Variants in RNF125 observed in about 807,000 individuals in gnomAD.
RNF125 encodes the protein E3 ubiquitin-protein ligase RNF125.
RNF125 carries 21 observed loss-of-function variants against 26.0 expected under a neutral mutation model. The observed-to-expected ratio is 0.81, with a 90% confidence interval of 0.57 to 1.16. RNF125 has a LOEUF of 1.16. Among genes scored for constraint, RNF125 ranks in the 50% most tolerant of loss-of-function variants. The probability of loss-of-function intolerance (pLI) is 0.00; values close to 1 mark genes in which losing one functional copy is unlikely to be tolerated. For missense variants in RNF125, 270 were observed against 299.4 expected (o/e 0.90, Z 0.72); for synonymous variants, 95 against 109.2 (o/e 0.87, Z 0.81).
chr18:32,080,758 G>A, the RNF125 span, among the ~76,000 whole-genome samples: 3 of 152,164 alleles, frequency 2.0e-5, no homozygotes, highest in Non-Finnish European at 4.4e-5. Context: ...GCGTGATGGC[G>A]GACGCCTGTA....
intron 4 of RNF125, among the ~76,000 whole-genome samples, chr18:32,057,428 G>A (rs2039396380): frequency 6.6e-6 from 1 of 151,372 alleles, no homozygotes; most frequent in South Asian, 2.1e-4. Context: ...TCTGCCTCCC[G>A]GGTTTAAGCG....
chr18:32,027,878 G>A (rs921176090), intron 1 of RNF125, among the ~76,000 whole-genome samples: 3 of 152,072 alleles, frequency 2.0e-5, no homozygotes, highest in Non-Finnish European at 4.4e-5. Flanking sequence ...TTTTATACTT[G>A]AGGTTACAGA....
In RNF125 at chr18:32,018,848, G is replaced by C. The variant is rs1334949684; in HGVS notation, c.-16G>C. ...GCACTGAGTGCTTCGCAGCTGTCTG[G>C]GCGAGAGGCACAGCGATGGGCTCCG... On this transcript the variant is annotated 5_prime_UTR_variant, in exon 1 of 6. Coordinates refer to ENST00000217740, the MANE Select transcript of RNF125 (RefSeq NM_017831.4). 2.6e-6 allele frequency: 4 copies of C among 1,552,832 alleles called. No homozygotes were observed. Among genetic ancestry groups the C allele is most frequent in the South Asian group, 1.2e-5 (1 of 85,000 alleles).
intron 1 of RNF125, among the ~76,000 whole-genome samples, chr18:32,020,522 C>A (rs1018462551): frequency 1.3e-5 from 2 of 151,516 alleles, no homozygotes. Flanking sequence ...GAAAGAAATA[C>A]CGTTATTATG....
In RNF125 at chr18:32,037,136, C is replaced by T; in HGVS notation, c.185C>T (p.Ala62Val). The T allele has an allele frequency of 1.2e-6, 2 of 1,604,452 alleles. No individual in the cohort carries two copies. The highest frequency in any genetic ancestry group is 1.7e-4 in the Middle Eastern group (1 of 6,034). The change falls in exon 2 of 6, where the codon GCT becomes GTT. Residue 62 changes from alanine to valine, a missense_variant. Physicochemically the swap from Ala to Val is moderately conservative, Grantham distance 64. Transcript: ENST00000217740. ...GGTAGATTCTGCCGTTCCTGTATTG[C>T]TACCAGTCTAAAGAACAACAAGTGG... is the stretch of plus-strand genomic sequence containing the variant. ...CGHVFCRSCI[A>V]TSLKNNKWTC...
At chr18:32,033,709 C>T (rs1044632838) in intron 1 of RNF125, among the ~76,000 whole-genome samples, 1 of 151,884 alleles carries the variant, frequency 6.6e-6, no homozygotes, top group Non-Finnish European at 1.5e-5. Flanking sequence ...ATCCCAGCTA[C>T]TCAAGAGGCT....
intron 1 of RNF125, among the ~76,000 whole-genome samples, chr18:32,021,682 C>T (rs895678192): frequency 3.9e-5 from 6 of 151,952 alleles, no homozygotes; most frequent in Admixed American, 2.0e-4. Context: ...TGGAACAGAC[C>T]GCTTTGCTAT....
At chr18:32,048,599 A>C (rs2039295720) in intron 4 of RNF125, among the ~76,000 whole-genome samples, 2 of 152,142 alleles carry the variant, frequency 1.3e-5, no homozygotes, top group Admixed American at 1.3e-4. Flanking sequence ...AGTAACAAAG[A>C]CAGAATTTGA....
At chr18:32,054,931 T>C (rs2039365685) in intron 4 of RNF125, among the ~76,000 whole-genome samples, 1 of 152,202 alleles carries the variant, frequency 6.6e-6, no homozygotes, top group Non-Finnish European at 1.5e-5. Context: ...AGTATATATT[T>C]TATTCCTACT....
At position 32,072,030 on chromosome 18, in the gene RNF125, C is replaced by G. The variant is rs894671587; in HGVS notation, c.*3646C>G. 3.3e-5 allele frequency: 5 copies of G among 151,882 alleles called. No individual in the cohort carries two copies. Among genetic ancestry groups the G allele is most frequent in the Admixed American group, 6.6e-5 (1 of 15,196 alleles). 9.4% of individuals were successfully genotyped at this position (151,882 alleles called of 1,614,324 possible). ...GAGACTCTTTCTATTTAAACAAAAACAAAAACAAACAAACAAACAAACAAA... is the reference window on the plus strand; with the variant it reads ...GAGACTCTTTCTATTTAAACAAAAAGAAAAACAAACAAACAAACAAACAAA... On this transcript the variant is annotated 3_prime_UTR_variant, in exon 6 of 6. Coordinates refer to ENST00000217740, the MANE Select transcript of RNF125 (RefSeq NM_017831.4).
chr18:32,067,808 T>C (rs2039498258), intron 5 of RNF125, among the ~76,000 whole-genome samples: 1 of 152,212 alleles, frequency 6.6e-6, no homozygotes, highest in Admixed American at 6.5e-5. Context: ...TTAATGGTTT[T>C]TGTTTTACTT....
the RNF125 span, among the ~76,000 whole-genome samples, chr18:32,084,378 A>AC: frequency 3.3e-5 from 5 of 152,152 alleles, no homozygotes; most frequent in Non-Finnish European, 7.4e-5. Flanking sequence ...AAACAAACAA[A>AC]AAAACAAGAA....
chr18:32,032,081 T>C (rs1355250420), intron 1 of RNF125, among the ~76,000 whole-genome samples: 1 of 151,734 alleles, frequency 6.6e-6, no homozygotes, highest in African/African-American at 2.4e-5. Context: ...TGTATTTTTG[T>C]TTTGTTTTGT....
rs573051055 is a variant in RNF125 at position 32,061,083 on chromosome 18, G to A, written c.505-4819G>A. Among the ~76,000 whole-genome samples the A allele has an allele frequency of 6.6e-5, 10 of 152,306 alleles. No individual in the cohort carries two copies. In the South Asian group the frequency reaches 2.1e-3, roughly 32 times the overall value. On this transcript the variant is annotated intron_variant, in intron 4 of 5. Coordinates refer to ENST00000217740, the MANE Select transcript of RNF125 (RefSeq NM_017831.4). The stretch of plus-strand genomic sequence containing the variant: ...TCTGGCGCCCAGGCTGGAGTGCAGT[G>A]GTGCGATCTCGGCTCACTGCAAGCT...
chr18:32,050,322 C>T (rs1351207168), intron 4 of RNF125, among the ~76,000 whole-genome samples: 5 of 151,904 alleles, frequency 3.3e-5, no homozygotes, highest in Non-Finnish European at 5.9e-5. Context: ...TATATTCTGC[C>T]ATTTTTTAAA....
chr18:32,045,431 G>A (rs2039259712), intron 3 of RNF125, among the ~76,000 whole-genome samples: 1 of 150,550 alleles, frequency 6.6e-6, no homozygotes, highest in African/African-American at 2.4e-5. Context: ...TGGTGGTGGG[G>A]GCTTGTAATC....
At chr18:32,032,500 C>T (rs923731102) in intron 1 of RNF125, among the ~76,000 whole-genome samples, 2 of 152,006 alleles carry the variant, frequency 1.3e-5, no homozygotes, top group African/African-American at 4.8e-5. Context: ...AGCCACTGTG[C>T]CTGACCAAGC....
At position 32,068,498 on chromosome 18, in the gene RNF125, A is replaced by T. The variant is rs949367066; in HGVS notation, c.*114A>T. ...ATGGGCAAAAATGTACAACACAGTT[A>T]TGTGTTTGTCCATGTTTATTGTTAT... is the stretch of plus-strand genomic sequence containing the variant. On this transcript the variant is annotated 3_prime_UTR_variant, in exon 6 of 6. Transcript: ENST00000217740. The T allele has an allele frequency of 5.9e-6, 4 of 674,164 alleles. No homozygotes were observed. The highest frequency in any genetic ancestry group is 1.1e-5 in the Non-Finnish European group (4 of 371,274). 41.8% of individuals were successfully genotyped at this position (674,164 alleles called of 1,614,324 possible).
intron 1 of RNF125, among the ~76,000 whole-genome samples, chr18:32,021,904 T>C (rs2144425861): frequency 6.6e-6 from 1 of 152,350 alleles, no homozygotes; most frequent in South Asian, 2.1e-4. Context: ...AAATTGCCTT[T>C]CCTCTCTTTA....
Sources: gnomAD v4.1 joint callset for allele counts (sites outside exome capture counted in the v4.1 genomes callset) on GRCh38, gnomAD v4.1.1 for gene constraint, MANE v1.5 for transcripts, NCBI Gene and HGNC (gene_info 2026-07-23, HGNC 2026-07-21) for gene names.